TVP23C: variants seen among roughly 807,000 people sequenced by gnomAD.
TVP23C encodes the protein Golgi apparatus membrane protein TVP23 homolog C.
Under a neutral mutation model 28.7 loss-of-function variants are expected in TVP23C, and 19 were observed. That is an observed-to-expected ratio of 0.66 (90% CI 0.46 to 0.97). The LOEUF is 0.97. Among genes scored for constraint, TVP23C ranks in the 50% least tolerant of loss-of-function variants. TVP23C has a pLI of 0.00. For missense variants in TVP23C, 186 were observed against 241.3 expected (o/e 0.77, Z 1.52); for synonymous variants, 68 against 81.7 (o/e 0.83, Z 0.90).
chr17:15,523,876 G>A (rs1426833324), intron 5 of TVP23C, among the ~76,000 whole-genome samples: 1 of 152,180 alleles, frequency 6.6e-6, no homozygotes, highest in Non-Finnish European at 1.5e-5. Flanking sequence ...GCCTCCCAAA[G>A]TGCTGGGATT....
At chr17:15,554,929 A>T (rs1984062879) in intron 2 of TVP23C, among the ~76,000 whole-genome samples, 2 of 152,254 alleles carry the variant, frequency 1.3e-5, no homozygotes, top group East Asian at 3.8e-4. Flanking sequence ...GAGAGAATTA[A>T]ATTTAGAATA....
At chr17:15,561,216 G>C (rs1984368437) in intron 1 of TVP23C, among the ~76,000 whole-genome samples, 1 of 152,206 alleles carries the variant, frequency 6.6e-6, no homozygotes, top group African/African-American at 2.4e-5. Flanking sequence ...AGTTGCCTAA[G>C]GCGAGAGGGT....
intron 1 of TVP23C, among the ~76,000 whole-genome samples, chr17:15,556,962 T>C (rs1984160663): frequency 6.6e-6 from 1 of 151,044 alleles, no homozygotes; most frequent in Non-Finnish European, 1.5e-5. Context: ...GACACTGTCT[T>C]CATTGAGCAC....
downstream of TVP23C, among the ~76,000 whole-genome samples, chr17:15,535,223 C>A (rs1188802038): frequency 6.6e-6 from 1 of 152,036 alleles, no homozygotes; most frequent in African/African-American, 2.4e-5. Context: ...CTCTATGTAC[C>A]CTTCTATAGA....
intron 5 of TVP23C, among the ~76,000 whole-genome samples, chr17:15,512,553 G>C (rs1178590658): frequency 6.6e-6 from 1 of 152,122 alleles, no homozygotes; most frequent in Non-Finnish European, 1.5e-5. Flanking sequence ...GTCCCATCTG[G>C]TGAAATCCAG....
chr17:15,519,413 A>G (rs1400465285), intron 5 of TVP23C, among the ~76,000 whole-genome samples: 1 of 152,018 alleles, frequency 6.6e-6, no homozygotes, highest in Non-Finnish European at 1.5e-5. Flanking sequence ...TCGAGGCTGC[A>G]GTGACCCATG....
chr17:15,549,546 G>C (rs1983797374), intron 3 of TVP23C, among the ~76,000 whole-genome samples: 2 of 152,082 alleles, frequency 1.3e-5, no homozygotes, highest in Admixed American at 1.3e-4. Context: ...AGGGATGGTG[G>C]TGCATGCCTG....
chr17:15,544,666 C>G, intron 5 of TVP23C, among the ~76,000 whole-genome samples: 1 of 152,006 alleles, frequency 6.6e-6, no homozygotes, highest in Admixed American at 6.6e-5. Flanking sequence ...TTTTCCAGAG[C>G]AGGAACTCCA....
chr17:15,516,991 C>G (rs1299164934), intron 5 of TVP23C, among the ~76,000 whole-genome samples: 1 of 152,208 alleles, frequency 6.6e-6, no homozygotes, highest in Non-Finnish European at 1.5e-5. Context: ...TCAATCATAT[C>G]TATTCAAGTG....
At chr17:15,502,300 G>GA (rs79794107) in exon 6 of TVP23C, 73,054 of 149,110 alleles carry the variant, frequency 0.49, 18,734 homozygotes, top group Middle Eastern at 0.62. Context: ...GGGGTGGGGG[G>GA]GCACAAGAGG....
chr17:15,520,597 A>G (rs1982433770), intron 5 of TVP23C, among the ~76,000 whole-genome samples: 1 of 151,292 alleles, frequency 6.6e-6, no homozygotes, highest in African/African-American at 2.4e-5. Context: ...CTAGTTACTC[A>G]CAGTGGGAGG....
intron 5 of TVP23C, chr17:15,507,089 C>T: frequency 9.1e-7 from 1 of 1,103,420 alleles, no homozygotes; most frequent in Middle Eastern, 2.1e-4. Context: ...GGCACTGGTG[C>T]CTCTACGGGG....
chr17:15,541,039 G>A (rs1273688559), intron 5 of TVP23C, among the ~76,000 whole-genome samples: 2 of 152,208 alleles, frequency 1.3e-5, no homozygotes, highest in Non-Finnish European at 2.9e-5. Flanking sequence ...TTCTGGTAGA[G>A]GGGATGCAAT....
chr17:15,555,052 G>GAATTAAAAATA, intron 2 of TVP23C, among the ~76,000 whole-genome samples: 1 of 152,154 alleles, frequency 6.6e-6, no homozygotes, highest in Non-Finnish European at 1.5e-5. Flanking sequence ...TAAAAACACA[G>GAATTAAAAATA]GTGTTCAAAT....
intron 1 of TVP23C, among the ~76,000 whole-genome samples, chr17:15,556,206 C>T (rs374939264): frequency 6.3e-4 from 96 of 152,296 alleles, no homozygotes; most frequent in African/African-American, 2.2e-3. Flanking sequence ...CCTGAGCCAC[C>T]ACGCCTGGCC....
intron 5 of TVP23C, among the ~76,000 whole-genome samples, chr17:15,517,328 G>C (rs1261680700): frequency 1.3e-5 from 2 of 152,214 alleles, no homozygotes; most frequent in African/African-American, 4.8e-5. Context: ...TCAGGGGGCA[G>C]GTGGTCAATA....
At chr17:15,507,281 C>A in intron 5 of TVP23C, 1 of 750,020 alleles carries the variant, frequency 1.3e-6, no homozygotes. Flanking sequence ...TTGTGAAGCC[C>A]ATGGAGCGCT....
chr17:15,528,316 A>C (rs903656320), intron 5 of TVP23C, among the ~76,000 whole-genome samples: 2 of 152,066 alleles, frequency 1.3e-5, no homozygotes, highest in African/African-American at 4.8e-5. Flanking sequence ...CATTAATCTC[A>C]AAGTATTTTC....
At chr17:15,517,646 T>A (rs7215138) in intron 5 of TVP23C, among the ~76,000 whole-genome samples, 17,227 of 152,182 alleles carry the variant, frequency 0.11, 1,135 homozygotes, top group Middle Eastern at 0.18. Flanking sequence ...TATCCATCAC[T>A]TGCTTGACAC....
Sources: gnomAD v4.1 joint callset for allele counts (sites outside exome capture counted in the v4.1 genomes callset) on GRCh38, gnomAD v4.1.1 for gene constraint, MANE v1.5 for transcripts, NCBI Gene and HGNC (gene_info 2026-07-23, HGNC 2026-07-21) for gene names.